The following GRM5 variants were observed in gnomAD, a reference collection of about 807,000 sequenced individuals.
GRM5 encodes the protein glutamate metabotropic receptor 5.
GRM5 carries 19 observed loss-of-function variants against 83.1 expected under a neutral mutation model. The observed-to-expected ratio is 0.23, with a 90% CI of 0.16 to 0.34. GRM5 has a LOEUF of 0.34. Ranked by LOEUF, GRM5 falls within the 10% of genes least tolerant of loss-of-function variation. The pLI, the probability that GRM5 is intolerant of heterozygous loss-of-function variation, is 1.00. For synonymous variants in GRM5, 675 were observed against 633.6 expected, an observed-to-expected ratio of 1.07 and a Z score of -0.98; for missense variants, 1,160 against 1,588.3, an observed-to-expected ratio of 0.73 and a Z score of 4.58.
intron 3 of GRM5, among the ~76,000 whole-genome samples, chr11:88,844,448 C>T (rs755828573): frequency 7.9e-5 from 12 of 151,930 alleles, no homozygotes; most frequent in African/African-American, 1.9e-4. Flanking sequence ...ACAATGTGCC[C>T]GGCCAGCCAG....
intron 3 of GRM5, among the ~76,000 whole-genome samples, chr11:88,826,319 T>A (rs1943893801): frequency 6.6e-6 from 1 of 152,058 alleles, no homozygotes; most frequent in South Asian, 2.1e-4. Flanking sequence ...GTATTAAATA[T>A]TTAGTACATA....
chr11:88,966,018 A>C (rs1157933003), intron 2 of GRM5, among the ~76,000 whole-genome samples: 1 of 152,196 alleles, frequency 6.6e-6, no homozygotes, highest in East Asian at 1.9e-4. Context: ...AACAGACTTT[A>C]AATTTACGAA....
chr11:88,557,904 TC>T (rs745423558), intron 8 of GRM5, among the ~76,000 whole-genome samples: 31 of 152,230 alleles, frequency 2.0e-4, no homozygotes, highest in Admixed American at 3.9e-4. Flanking sequence ...CCTTTGAGAT[TC>T]AACTCAAGTG....
intron 3 of GRM5, among the ~76,000 whole-genome samples, chr11:88,689,523 T>C (rs1294025281): frequency 6.6e-6 from 1 of 152,210 alleles, no homozygotes; most frequent in African/African-American, 2.4e-5. Context: ...CGTGTGGTTT[T>C]GGTGTGAAGA....
At chr11:88,987,449 GC>G (rs1331582039) in intron 2 of GRM5, among the ~76,000 whole-genome samples, 30 of 151,950 alleles carry the variant, frequency 2.0e-4, no homozygotes, top group African/African-American at 5.8e-4. Context: ...GCCCGCCATT[GC>G]CCAGGCTTGC....
chr11:88,845,529 G>A (rs1283961146), intron 3 of GRM5, among the ~76,000 whole-genome samples: 1 of 144,480 alleles, frequency 6.9e-6, no homozygotes, highest in African/African-American at 2.6e-5. Flanking sequence ...TGCCTCCCGG[G>A]TTTGCGCCAT....
At chr11:88,588,949 GTAA>G (rs1478460291) in intron 7 of GRM5, among the ~76,000 whole-genome samples, 1 of 152,098 alleles carries the variant, frequency 6.6e-6, no homozygotes, top group Non-Finnish European at 1.5e-5. Flanking sequence ...AATGGAAATA[GTAA>G]TAATAAAATA....
At chr11:88,765,504 G>A (rs763554493) in intron 3 of GRM5, among the ~76,000 whole-genome samples, 17 of 151,244 alleles carry the variant, frequency 1.1e-4, no homozygotes, top group Non-Finnish European at 7.4e-5. Flanking sequence ...CTAGATTAAT[G>A]GAATAGAACA....
At chr11:88,798,475 CA>C (rs1304095532) in intron 3 of GRM5, among the ~76,000 whole-genome samples, 5 of 152,052 alleles carry the variant, frequency 3.3e-5, no homozygotes, top group Non-Finnish European at 5.9e-5. Flanking sequence ...GGAAATTCTA[CA>C]AGGCTTATTT....
intron 2 of GRM5, among the ~76,000 whole-genome samples, chr11:88,973,783 C>G (rs1939240023): frequency 6.6e-6 from 1 of 152,056 alleles, no homozygotes; most frequent in Non-Finnish European, 1.5e-5. Context: ...GAAACTTACT[C>G]TTAACATTTT....
chr11:88,888,787 T>C (rs1405574519), intron 2 of GRM5, among the ~76,000 whole-genome samples: 1 of 152,182 alleles, frequency 6.6e-6, no homozygotes, highest in Non-Finnish European at 1.5e-5. Flanking sequence ...GCTTTGTGTG[T>C]CTTTCTGTAT....
intron 3 of GRM5, among the ~76,000 whole-genome samples, chr11:88,676,355 C>T (rs1940327504): frequency 6.6e-6 from 1 of 151,890 alleles, no homozygotes; most frequent in African/African-American, 2.4e-5. Flanking sequence ...TATTATATGC[C>T]TATGCTATCA....
chr11:88,974,007 T>G (rs1385403554), intron 2 of GRM5, among the ~76,000 whole-genome samples: 1 of 152,154 alleles, frequency 6.6e-6, no homozygotes, highest in Non-Finnish European at 1.5e-5. Flanking sequence ...CATTCAATAT[T>G]CTACTATTTT....
chr11:88,566,237 A>T (rs368374833), intron 8 of GRM5, among the ~76,000 whole-genome samples: 10 of 152,136 alleles, frequency 6.6e-5, no homozygotes, highest in African/African-American at 2.2e-4. Flanking sequence ...ATACTTCAAC[A>T]TTTTTCCCAA....
At chr11:89,039,580 G>T (rs1266130331) in intron 2 of GRM5, among the ~76,000 whole-genome samples, 1 of 152,084 alleles carries the variant, frequency 6.6e-6, no homozygotes, top group Non-Finnish European at 1.5e-5. Flanking sequence ...TGTTACTCTT[G>T]TATTTTAGTA....
intron 7 of GRM5, among the ~76,000 whole-genome samples, chr11:88,583,451 G>T (rs1943254813): frequency 6.6e-6 from 1 of 152,228 alleles, no homozygotes; most frequent in African/African-American, 2.4e-5. Context: ...GCGTTTTACA[G>T]CTTTGGACTT....
At chr11:88,947,518 C>T (rs4589305) in intron 2 of GRM5, among the ~76,000 whole-genome samples, 20 of 151,432 alleles carry the variant, frequency 1.3e-4, no homozygotes, top group African/African-American at 3.9e-4. Flanking sequence ...TTTACCATTG[C>T]GTCCTTGCAT....
At chr11:88,916,676 C>A (rs1378325416) in intron 2 of GRM5, among the ~76,000 whole-genome samples, 15 of 151,638 alleles carry the variant, frequency 9.9e-5, no homozygotes, top group Non-Finnish European at 1.9e-4. Context: ...AGTAAGAAAC[C>A]AGCTGGAGCA....
chr11:89,035,755 T>C (rs1273911421), intron 2 of GRM5, among the ~76,000 whole-genome samples: 1 of 152,036 alleles, frequency 6.6e-6, no homozygotes, highest in Non-Finnish European at 1.5e-5. Flanking sequence ...ATAAGTTATA[T>C]ATTCATTGTT....
Sources: allele counts gnomAD v4.1 joint callset (sites outside exome capture counted in the v4.1 genomes callset), GRCh38; gene constraint gnomAD v4.1.1; transcripts MANE v1.5; gene names NCBI Gene and HGNC (gene_info 2026-07-23, HGNC 2026-07-21).